REEP1: variants seen among roughly 807,000 people sequenced by gnomAD.
The protein encoded by REEP1 is receptor expression-enhancing protein 1.
In REEP1, 22 loss-of-function variants were observed where a neutral mutation model predicts 40.3. That is an observed-to-expected ratio of 0.55 (90% CI 0.39 to 0.78). The LOEUF (loss-of-function observed/expected upper bound fraction) is 0.78. Among genes scored for constraint, REEP1 ranks in the 30% least tolerant of loss-of-function variants. The pLI is 0.00. For missense variants in REEP1, 280 were observed against 361.1 expected, an observed-to-expected ratio of 0.78 and a Z score of 1.82; for synonymous variants, 116 against 139.2, an observed-to-expected ratio of 0.83 and a Z score of 1.17.
intron 5 of REEP1, among the ~76,000 whole-genome samples, chr2:86,248,999 C>T (rs1676117408): frequency 6.6e-6 from 1 of 152,134 alleles, no homozygotes. Context: ...GGTGGGATGC[C>T]TGTAATCCCA....
In REEP1 at chr2:86,232,674, G is replaced by A. The variant is rs750448825; in HGVS notation, c.546C>T (p.His182=). 34 of 1,612,498 alleles carry A rather than the reference G, an allele frequency of 2.1e-5. No individual in the cohort carries two copies. The highest frequency in any genetic ancestry group is 6.6e-5 in the South Asian group (6 of 91,094). Residue 182 remains histidine (H), a synonymous_variant, in exon 6 of 9, where the codon CAC becomes CAT. Transcript: ENST00000538924. ...CACTCCTGGACATCTTAGGCTGGCC[G>A]TGTTTGCCGCTGGCCCGCCCAGACC... ...PPGSGRASGK[H]GQPKMSRSAS... is the part of the protein sequence containing the mutation.
At chr2:86,335,888 T>C in intron 1 of REEP1, among the ~76,000 whole-genome samples, 1 of 109,924 alleles carries the variant, frequency 9.1e-6, no homozygotes, top group African/African-American at 3.4e-5. Flanking sequence ...GTGAGGGAGG[T>C]GCTAATAAAA....
At chr2:86,245,831 C>T (rs1675913155) in intron 5 of REEP1, among the ~76,000 whole-genome samples, 1 of 149,470 alleles carries the variant, frequency 6.7e-6, no homozygotes, top group Non-Finnish European at 1.5e-5. Flanking sequence ...GTGGTGCTAT[C>T]TTGGCTCACT....
At chr2:86,305,028 AT>A (rs576157363) in intron 1 of REEP1, among the ~76,000 whole-genome samples, 93 of 146,902 alleles carry the variant, frequency 6.3e-4, no homozygotes, top group South Asian at 8.6e-4. Context: ...TCAAGTCTTC[AT>A]TTTTTTTTTT....
Position 86,220,099 on chromosome 2 carries a change from C to T in REEP1, c.654G>A (p.Glu218=). ...TWKVVEGDVN[E]GGMKAWEPHQ... ...GGGGCTCCCATGCCTTCATACCACC[C>T]TCATTCACATCTCCCTCAACCACTT... The change falls in exon 8 of 9, where the codon GAG becomes GAA. Residue 218 remains glutamate, a synonymous_variant. Coordinates refer to ENST00000538924, the MANE Select transcript of REEP1 (RefSeq NM_001371279.1). The T allele has an allele frequency of 8.1e-7, 1 of 1,232,186 alleles. No homozygotes were observed. The highest frequency in any genetic ancestry group is 1.0e-6 in the Non-Finnish European group (1 of 987,994). The allele number at this position is 1,232,186 out of a possible 1,614,324, so 76.3% of individuals were successfully genotyped here. A position where few individuals can be genotyped will look rare whatever the true frequency, so the allele number is the denominator to read the frequency against.
intron 1 of REEP1, among the ~76,000 whole-genome samples, chr2:86,285,122 C>T (rs1678319241): frequency 6.6e-6 from 1 of 152,236 alleles, no homozygotes; most frequent in Admixed American, 6.5e-5. Context: ...TTGCTTCCCA[C>T]CCCTCCCTCA....
chr2:86,320,352 T>C (rs372524146), intron 1 of REEP1, among the ~76,000 whole-genome samples: 290 of 152,312 alleles, frequency 1.9e-3, no homozygotes, highest in Non-Finnish European at 3.5e-3. Flanking sequence ...GTAGTGTCCC[T>C]AGACACCTAA....
chr2:86,257,617 G>A (rs917274735), intron 3 of REEP1, among the ~76,000 whole-genome samples: 3 of 151,136 alleles, frequency 2.0e-5, no homozygotes, highest in African/African-American at 4.9e-5. Context: ...ACCACCACAG[G>A]GATAGCTACC....
chr2:86,217,666 A>ATTTTTTTTTTTTTTT (rs10668934), intron 8 of REEP1, among the ~76,000 whole-genome samples: 5 of 112,898 alleles, frequency 4.4e-5, no homozygotes, highest in African/African-American at 1.2e-4. Context: ...GGGATTTCAG[A>ATTTTTTTTTTTTTTT]TTTTTTTTTT....
chr2:86,262,185 C>T (rs999970591), intron 3 of REEP1, among the ~76,000 whole-genome samples: 3 of 152,344 alleles, frequency 2.0e-5, no homozygotes, highest in Non-Finnish European at 1.5e-5. Flanking sequence ...TATACTTTGT[C>T]TCTGTGTCTT....
intron 1 of REEP1, among the ~76,000 whole-genome samples, chr2:86,305,296 G>A (rs1433783942): frequency 1.4e-4 from 21 of 152,098 alleles, no homozygotes; most frequent in Non-Finnish European, 2.9e-5. Context: ...GCATCCAAAG[G>A]AATCTCCCTG....
intron 3 of REEP1, among the ~76,000 whole-genome samples, chr2:86,255,417 A>G (rs935028435): frequency 3.3e-5 from 5 of 152,188 alleles, no homozygotes; most frequent in Non-Finnish European, 7.3e-5. Flanking sequence ...ACAGATTTTG[A>G]TCTTCTTAGT....
chr2:86,229,389 C>T (rs534855965), intron 6 of REEP1, among the ~76,000 whole-genome samples: 33 of 152,230 alleles, frequency 2.2e-4, no homozygotes, highest in Middle Eastern at 3.4e-3. Flanking sequence ...TTTCTGGGGC[C>T]CTTTCTGCTA....
chr2:86,316,082 C>T (rs1364175683), intron 1 of REEP1, among the ~76,000 whole-genome samples: 1 of 152,140 alleles, frequency 6.6e-6, no homozygotes, highest in Non-Finnish European at 1.5e-5. Context: ...ACAGACGAGA[C>T]ACCAGAAAAC....
intron 1 of REEP1, among the ~76,000 whole-genome samples, chr2:86,304,964 A>T (rs2104466985): frequency 6.6e-6 from 1 of 152,308 alleles, no homozygotes; most frequent in Non-Finnish European, 1.5e-5. Flanking sequence ...AAACAGACAG[A>T]AGCAGAGACA....
At chr2:86,319,294 C>T (rs950872778) in intron 1 of REEP1, among the ~76,000 whole-genome samples, 1 of 152,206 alleles carries the variant, frequency 6.6e-6, no homozygotes, top group Non-Finnish European at 1.5e-5. Flanking sequence ...GGTCCCCAGA[C>T]CACATTTTGA....
intron 5 of REEP1, among the ~76,000 whole-genome samples, chr2:86,238,472 C>T (rs542013278): frequency 1.3e-5 from 2 of 152,170 alleles, no homozygotes; most frequent in African/African-American, 2.4e-5. Flanking sequence ...ACTATTGCAG[C>T]CTTGGCATCT....
chr2:86,264,056 A>G lies in REEP1; in HGVS notation c.106-15T>C, dbSNP rs750630119. 6.2e-7 allele frequency: 1 copy of G among 1,600,518 alleles called. No homozygotes were observed. The highest frequency in any genetic ancestry group is 1.1e-5 in the South Asian group (1 of 90,806). On this transcript the variant is annotated splice_polypyrimidine_tract_variant and intron_variant, in intron 2 of 8. Coordinates refer to ENST00000538924, the MANE Select transcript of REEP1 (RefSeq NM_001371279.1). The stretch of plus-strand genomic sequence containing the variant: ...ATCCATTTGACCTGTTGAAACAGAA[A>G]GCAACACAGCTGGTAGAAAAGGTCC...
intron 7 of REEP1, among the ~76,000 whole-genome samples, chr2:86,223,091 C>T (rs1216012523): frequency 6.6e-6 from 1 of 152,254 alleles, no homozygotes; most frequent in East Asian, 1.9e-4. Flanking sequence ...TGATGGTGGC[C>T]ACGGCCTTGA....
Sources: allele counts gnomAD v4.1 joint callset (sites outside exome capture counted in the v4.1 genomes callset), GRCh38; gene constraint gnomAD v4.1.1; transcripts MANE v1.5; gene names NCBI Gene and HGNC (gene_info 2026-07-23, HGNC 2026-07-21).